The following TENM2 variants were observed in gnomAD, a reference collection of about 807,000 sequenced individuals.
The protein encoded by TENM2 is teneurin-2.
Under a neutral mutation model 245.2 loss-of-function variants are expected in TENM2, and 52 were observed. The ratio of observed to expected loss-of-function variants is 0.21; its 90% confidence interval spans 0.17 to 0.27. TENM2 has a LOEUF of 0.27. Among genes scored for constraint, TENM2 ranks in the 10% least tolerant of loss-of-function variants. The pLI, the probability that TENM2 is intolerant of heterozygous loss-of-function variation, is 1.00. For missense variants in TENM2, 3,046 were observed against 3,666.8 expected (o/e 0.83, Z 4.37); for synonymous variants, 1,363 against 1,438.9 (o/e 0.95, Z 1.19).
chr5:167,195,841 C>G, the TENM2 span, among the ~76,000 whole-genome samples: 2 of 144,236 alleles, frequency 1.4e-5, no homozygotes, highest in Non-Finnish European at 3.1e-5. Context: ...TCTTAGCTTT[C>G]CACAGTCTGA....
At chr5:167,413,769 A>C (rs1763027985) in intron 2 of TENM2, among the ~76,000 whole-genome samples, 2 of 152,204 alleles carry the variant, frequency 1.3e-5, no homozygotes, top group South Asian at 4.1e-4. Flanking sequence ...GTGCAATTCT[A>C]AATTTATGAG....
At chr5:167,265,372 C>G in the TENM2 span, among the ~76,000 whole-genome samples, 1 of 146,470 alleles carries the variant, frequency 6.8e-6, no homozygotes, top group Non-Finnish European at 1.5e-5. Context: ...GGTGGGCATG[C>G]TGGCCATTTT....
At chr5:168,160,424 G>A (rs1390658430) in intron 12 of TENM2, among the ~76,000 whole-genome samples, 1 of 152,236 alleles carries the variant, frequency 6.6e-6, no homozygotes, top group Admixed American at 6.5e-5. Context: ...AGCCTTTCCA[G>A]GTGTGCAAAC....
chr5:167,513,709 G>C (rs1036102080), intron 2 of TENM2, among the ~76,000 whole-genome samples: 1 of 152,170 alleles, frequency 6.6e-6, no homozygotes, highest in African/African-American at 2.4e-5. Flanking sequence ...GTGATGTTCT[G>C]TGATTTCTCT....
At chr5:167,859,062 G>A (rs1356574697) in intron 2 of TENM2, among the ~76,000 whole-genome samples, 1 of 150,408 alleles carries the variant, frequency 6.6e-6, no homozygotes. Flanking sequence ...TCTAGGAAGT[G>A]AGGAGCGTCT....
intron 7 of TENM2, 119 bp from the exon 10 acceptor site, chr5:168,090,455 C>A: frequency 2.6e-6 from 2 of 774,256 alleles, no homozygotes; most frequent in East Asian, 2.8e-5. Flanking sequence ...AAGTTCATAG[C>A]AAAATGTGCT....
intron 2 of TENM2, among the ~76,000 whole-genome samples, chr5:167,620,975 C>G (rs1412150838): frequency 6.6e-6 from 1 of 152,086 alleles, no homozygotes; most frequent in East Asian, 1.9e-4. Flanking sequence ...TTTAGATTTT[C>G]AAGTCCCTTT....
At chr5:168,031,413 T>C (rs1787130476) in intron 5 of TENM2, among the ~76,000 whole-genome samples, 1 of 152,238 alleles carries the variant, frequency 6.6e-6, no homozygotes, top group African/African-American at 2.4e-5. Context: ...GAGATTTTTC[T>C]CCAGACAGAC....
At chr5:167,654,156 C>T (rs1417041947) in intron 2 of TENM2, among the ~76,000 whole-genome samples, 1 of 151,804 alleles carries the variant, frequency 6.6e-6, no homozygotes, top group Non-Finnish European at 1.5e-5. Context: ...ACTGCCAGTT[C>T]AATGCGGTTT....
At chr5:167,970,640 TGTG>T (rs1342830711) in intron 4 of TENM2, among the ~76,000 whole-genome samples, 1 of 152,176 alleles carries the variant, frequency 6.6e-6, no homozygotes, top group Non-Finnish European at 1.5e-5. Flanking sequence ...TTCTGTTTGT[TGTG>T]GTGTGTGTAG....
chr5:168,074,394 T>A (rs1393582701), intron 7 of TENM2, among the ~76,000 whole-genome samples: 1 of 152,182 alleles, frequency 6.6e-6, no homozygotes, highest in African/African-American at 2.4e-5. Context: ...CCAGGCAAGA[T>A]GCTTTCCTAT....
At chr5:168,257,366 G>A (rs947249635) in intron 27 of TENM2, among the ~76,000 whole-genome samples, 46 of 152,270 alleles carry the variant, frequency 3.0e-4, no homozygotes, top group African/African-American at 1.1e-3. Context: ...GAGAGGCAGA[G>A]GATACGTTTA....
intron 2 of TENM2, among the ~76,000 whole-genome samples, chr5:167,740,335 G>C (rs1340769726): frequency 6.6e-6 from 1 of 152,146 alleles, no homozygotes; most frequent in Non-Finnish European, 1.5e-5. Flanking sequence ...TTGCATTTCA[G>C]CTTAAGGCAG....
chr5:167,165,521 T>C, the TENM2 span, among the ~76,000 whole-genome samples: 1 of 152,068 alleles, frequency 6.6e-6, no homozygotes, highest in East Asian at 1.9e-4. Flanking sequence ...GGGACATCAA[T>C]GTTGATCAGC....
chr5:167,187,284 G>A, the TENM2 span, among the ~76,000 whole-genome samples: 1 of 152,144 alleles, frequency 6.6e-6, no homozygotes, highest in Non-Finnish European at 1.5e-5. Flanking sequence ...CTTTTAGGAA[G>A]CCATGGCAAA....
At chr5:167,708,797 G>A (rs902438712) in intron 2 of TENM2, among the ~76,000 whole-genome samples, 3 of 152,226 alleles carry the variant, frequency 2.0e-5, no homozygotes, top group African/African-American at 7.2e-5. Context: ...TGCTCTAACT[G>A]ACTAATACTA....
chr5:167,011,529 G>T, the TENM2 span, among the ~76,000 whole-genome samples: 1 of 152,194 alleles, frequency 6.6e-6, no homozygotes, highest in African/African-American at 2.4e-5. Context: ...AGTGTTCTTT[G>T]CGTACTTGAT....
chr5:167,978,872 A>T (rs1782628876), intron 4 of TENM2, among the ~76,000 whole-genome samples: 1 of 152,172 alleles, frequency 6.6e-6, no homozygotes, highest in South Asian at 2.1e-4. Flanking sequence ...CCCTCTGTAT[A>T]AAACGTCTAC....
intron 5 of TENM2, among the ~76,000 whole-genome samples, chr5:167,993,770 C>T: frequency 6.6e-6 from 1 of 152,236 alleles, no homozygotes; most frequent in East Asian, 1.9e-4. Flanking sequence ...CCTCTGTCTT[C>T]TCATCCTCAA....
Sources: allele counts gnomAD v4.1 joint callset (sites outside exome capture counted in the v4.1 genomes callset), GRCh38; gene constraint gnomAD v4.1.1; transcripts MANE v1.5; gene names NCBI Gene and HGNC (gene_info 2026-07-23, HGNC 2026-07-21).